PDE4D: variants seen among roughly 807,000 people sequenced by gnomAD.
PDE4D encodes 3',5'-cyclic-AMP phosphodiesterase 4D.
PDE4D carries 24 observed loss-of-function variants against 87.4 expected under a neutral mutation model. That is an observed-to-expected ratio of 0.27 (90% CI 0.20 to 0.39). The LOEUF is 0.39. Ranked by LOEUF, PDE4D falls within the 10% of genes least tolerant of loss-of-function variation. The pLI, the probability that PDE4D is intolerant of heterozygous loss-of-function variation, is 1.00. For missense variants in PDE4D, 714 were observed against 1,041.0 expected (o/e 0.69, Z 4.32); for synonymous variants, 384 against 383.2 (o/e 1.00, Z -0.02).
Position 58,972,052 on chromosome 5 carries a change from C to T in PDE4D, c.*2612G>A, listed in dbSNP as rs1433874834. On this transcript the variant is annotated 3_prime_UTR_variant, in exon 15 of 15. Coordinates refer to ENST00000340635, the MANE Select transcript of PDE4D (RefSeq NM_001104631.2). ...CTCTTTATTAGTGCAGTTATAAACC[C>T]TTTACCCTTTCAGGTCTGGATTTGT... 2 of 152,402 alleles carry T rather than the reference C, an allele frequency of 1.3e-5. No individual in the cohort carries two copies. The highest frequency in any genetic ancestry group is 4.8e-5 in the African/African-American group (2 of 41,392). The allele number at this position is 152,402 out of a possible 1,614,324, so 9.4% of individuals were successfully genotyped here.
chr5:59,127,005 G>C (rs1261383330), intron 5 of PDE4D, among the ~76,000 whole-genome samples: 1 of 152,168 alleles, frequency 6.6e-6, no homozygotes, highest in Non-Finnish European at 1.5e-5. Context: ...AGAATTCAAA[G>C]ACTTCGTAAC....
intron 1 of PDE4D, among the ~76,000 whole-genome samples, chr5:59,301,260 C>A (rs1041215134): frequency 1.1e-4 from 17 of 152,068 alleles, no homozygotes; most frequent in Non-Finnish European, 2.1e-4. Context: ...TGAGGCCTAA[C>A]ACACCCAACA....
At chr5:59,066,807 GA>G in intron 5 of PDE4D, among the ~76,000 whole-genome samples, 1 of 152,008 alleles carries the variant, frequency 6.6e-6, no homozygotes, top group South Asian at 2.1e-4. Flanking sequence ...GCTTATAAAG[GA>G]GGCCCAAGAG....
chr5:59,354,638 C>T (rs1176958047), intron 1 of PDE4D, among the ~76,000 whole-genome samples: 1 of 152,108 alleles, frequency 6.6e-6, no homozygotes, highest in African/African-American at 2.4e-5. Flanking sequence ...GCGTAATCTC[C>T]TTTGGATACA....
chr5:59,974,777 C>T (rs1339972796), intron 3 of PDE4D, among the ~76,000 whole-genome samples: 1 of 152,166 alleles, frequency 6.6e-6, no homozygotes. Context: ...AACTTCTTAT[C>T]CCCATGTTGC....
At chr5:60,425,586 G>T (rs868174127) in intron 1 of PDE4D, among the ~76,000 whole-genome samples, 1 of 151,916 alleles carries the variant, frequency 6.6e-6, no homozygotes, top group Non-Finnish European at 1.5e-5. Flanking sequence ...AACCCTAGAA[G>T]AAACCTAGGC....
intron 1 of PDE4D, among the ~76,000 whole-genome samples, chr5:59,672,648 A>C (rs1747414659): frequency 6.6e-6 from 1 of 152,164 alleles, no homozygotes; most frequent in Admixed American, 6.5e-5. Context: ...CTAAGTCCAC[A>C]AAAGGAAACT....
chr5:59,275,231 C>CCTTTTTCTT, intron 1 of PDE4D: 1 of 867,946 alleles, frequency 1.2e-6, no homozygotes, highest in East Asian at 2.5e-5. Flanking sequence ...GCCGCCAATA[C>CCTTTTTCTT]TGCCTTCTTT....
intron 1 of PDE4D, among the ~76,000 whole-genome samples, chr5:59,701,669 G>A (rs1752588541): frequency 6.6e-6 from 1 of 152,208 alleles, no homozygotes; most frequent in Non-Finnish European, 1.5e-5. Context: ...GCTGGTTGTG[G>A]AAGGTGAAGA....
chr5:59,629,143 T>G (rs761450471), intron 1 of PDE4D, among the ~76,000 whole-genome samples: 1 of 152,092 alleles, frequency 6.6e-6, no homozygotes, highest in African/African-American at 2.4e-5. Flanking sequence ...TTCAGGATAT[T>G]TTGGTGGGGA....
intron 1 of PDE4D, among the ~76,000 whole-genome samples, chr5:60,494,607 T>C (rs935977895): frequency 6.6e-6 from 1 of 152,182 alleles, no homozygotes; most frequent in Admixed American, 6.5e-5. Context: ...AGATTCTTCT[T>C]TGTGGCCCAC....
At position 60,040,266 on chromosome 5, in the gene PDE4D, G is replaced by GT. The variant is rs1768319786; in HGVS notation, c.43-51550dup. ...TCTTTTTTGGTACTAGTGTGCTGCT[G>GT]TGTAGAAAGACCAGTGTTGTCACAT... On this transcript the variant is annotated intron_variant, in intron 2 of 16. Transcript: ENST00000502484. Among the ~76,000 whole-genome samples, 4 of 152,314 alleles carry GT rather than the reference G, an allele frequency of 2.6e-5. No homozygotes were observed. In the South Asian group the frequency reaches 8.3e-4, roughly 32 times the overall value.
At chr5:60,154,191 A>G (rs1378780392) in intron 2 of PDE4D, among the ~76,000 whole-genome samples, 1 of 152,232 alleles carries the variant, frequency 6.6e-6, no homozygotes, top group African/African-American at 2.4e-5. Context: ...ATCAGGAGAT[A>G]TTCTGGGGTT....
intron 1 of PDE4D, among the ~76,000 whole-genome samples, chr5:59,878,006 T>A (rs1748867597): frequency 6.6e-6 from 1 of 151,826 alleles, no homozygotes; most frequent in South Asian, 2.1e-4. Flanking sequence ...TAATTAAGAT[T>A]AGAAAACCAA....
At chr5:59,574,082 A>T (rs191186241) in intron 1 of PDE4D, among the ~76,000 whole-genome samples, 162 of 2,906 alleles carry the variant, frequency 0.056, 5 homozygotes, top group Admixed American at 0.11. Flanking sequence ...TTATATATAT[A>T]TTTATATATA....
At chr5:60,431,416 G>A (rs551165175) in intron 1 of PDE4D, among the ~76,000 whole-genome samples, 4 of 149,932 alleles carry the variant, frequency 2.7e-5, no homozygotes, top group African/African-American at 4.9e-5. Context: ...GGGTAGAGGC[G>A]CTCCTCACAT....
intron 1 of PDE4D, among the ~76,000 whole-genome samples, chr5:59,860,510 GACA>G (rs1182502821): frequency 2.6e-5 from 4 of 152,040 alleles, no homozygotes; most frequent in Admixed American, 2.0e-4. Flanking sequence ...ATAATTTAGT[GACA>G]ACATTTGTGC....
At chr5:59,296,427 T>A (rs1252660516) in intron 1 of PDE4D, among the ~76,000 whole-genome samples, 1 of 149,344 alleles carries the variant, frequency 6.7e-6, no homozygotes, top group Non-Finnish European at 1.5e-5. Flanking sequence ...AAAAAAAAAA[T>A]CCTGCATTGT....
chr5:60,302,976 C>T (rs1754058302), intron 1 of PDE4D, among the ~76,000 whole-genome samples: 3 of 152,016 alleles, frequency 2.0e-5, no homozygotes, highest in African/African-American at 4.8e-5. Context: ...ACTACAGGTG[C>T]GTGCCACACA....
Sources: allele counts gnomAD v4.1 joint callset (sites outside exome capture counted in the v4.1 genomes callset), GRCh38; gene constraint gnomAD v4.1.1; transcripts MANE v1.5; gene names NCBI Gene and HGNC (gene_info 2026-07-23, HGNC 2026-07-21).